Variants in ZC3H12B observed in about 807,000 individuals in gnomAD.
The protein encoded by ZC3H12B is zinc finger CCCH-type containing 12B, also known as probable ribonuclease ZC3H12B.
Under a neutral mutation model 43.9 loss-of-function variants are expected in ZC3H12B, and 7 were observed. The ratio of observed to expected loss-of-function variants is 0.16; its 90% CI spans 0.09 to 0.30. The LOEUF is 0.30. ZC3H12B is among the 10% of genes least tolerant of loss of function. The pLI, the probability that ZC3H12B is intolerant of heterozygous loss-of-function variation, is 1.00. For synonymous variants in ZC3H12B, 222 were observed against 241.7 expected, an observed-to-expected ratio of 0.92 and a Z score of 0.76; for missense variants, 475 against 670.2, an observed-to-expected ratio of 0.71 and a Z score of 3.22.
the ZC3H12B span, among the ~76,000 whole-genome samples, chrX:65,199,278 A>G: frequency 9.3e-6 from 1 of 107,768 alleles, no homozygotes; most frequent in African/African-American, 3.4e-5. Flanking sequence ...AGAGACTATG[A>G]TGCATTCTTC....
chrX:65,379,224 A>G (rs776404963), intron 2 of ZC3H12B, among the ~76,000 whole-genome samples: 126 of 111,934 alleles, frequency 1.1e-3, no homozygotes, highest in African/African-American at 3.8e-3. Context: ...AGCTTTGAAG[A>G]GAGCAGTGGT....
the ZC3H12B span, among the ~76,000 whole-genome samples, chrX:65,324,085 T>A: frequency 8.9e-6 from 1 of 112,447 alleles, no homozygotes; most frequent in African/African-American, 3.2e-5. Flanking sequence ...CTGTAGATTC[T>A]GGATATTAGA....
the ZC3H12B span, among the ~76,000 whole-genome samples, chrX:65,115,344 G>A: frequency 1.0e-4 from 11 of 110,258 alleles, no homozygotes; most frequent in Non-Finnish European, 1.9e-4. Flanking sequence ...TAAAATAATA[G>A]TCTGCACTTC....
chrX:65,335,803 C>T, the ZC3H12B span, among the ~76,000 whole-genome samples: 17 of 111,742 alleles, frequency 1.5e-4, no homozygotes, highest in Admixed American at 2.8e-4. Context: ...GGGCTAATTA[C>T]GACATGAACC....
At chrX:65,270,990 A>G in the ZC3H12B span, 1 of 112,571 alleles carries the variant, frequency 8.9e-6, no homozygotes, top group Non-Finnish European at 1.9e-5. Flanking sequence ...TCTACATGGC[A>G]AAAGAGGTTG....
the ZC3H12B span, among the ~76,000 whole-genome samples, chrX:65,127,463 G>T: frequency 2.7e-5 from 3 of 111,319 alleles, no homozygotes; most frequent in African/African-American, 3.3e-5. Flanking sequence ...TAGTGCATTG[G>T]TTTTGTGTTG....
At chrX:65,035,922 G>T in the ZC3H12B span, among the ~76,000 whole-genome samples, 1 of 112,136 alleles carries the variant, frequency 8.9e-6, no homozygotes, top group Non-Finnish European at 1.9e-5. Flanking sequence ...ATTCATAATA[G>T]GGGAAACTGG....
chrX:65,454,383 T>C (rs1370925541), intron 3 of ZC3H12B, among the ~76,000 whole-genome samples: 1 of 112,175 alleles, frequency 8.9e-6, no homozygotes, highest in Admixed American at 9.4e-5. Context: ...CGCTCATTGC[T>C]AGCACAGCAG....
the ZC3H12B span, among the ~76,000 whole-genome samples, chrX:65,113,590 G>A: frequency 2.7e-5 from 3 of 109,407 alleles, no homozygotes; most frequent in Admixed American, 9.8e-5. Context: ...CTATCTAAAA[G>A]CATTGCATGC....
intron 3 of ZC3H12B, among the ~76,000 whole-genome samples, chrX:65,458,777 C>A (rs1488738078): frequency 1.8e-5 from 2 of 111,424 alleles, no homozygotes; most frequent in African/African-American, 3.3e-5. Flanking sequence ...AAAATTGACA[C>A]CCTAACATCA....
the ZC3H12B span, among the ~76,000 whole-genome samples, chrX:65,307,914 A>G: frequency 3.6e-5 from 4 of 112,195 alleles, no homozygotes; most frequent in South Asian, 7.3e-4. Flanking sequence ...AAGCCAAAAG[A>G]CAATAGAATG....
rs2066713131 is a variant in ZC3H12B, at chrX:65,397,410, G to A, written n.296-1183G>A. 2.7e-5 allele frequency among the ~76,000 whole-genome samples: 3 copies of A among 111,307 alleles called. No homozygotes were observed. In the South Asian group the frequency reaches 1.1e-3, roughly 42 times the overall value. ...AGGCCTGGTGGTACAGAATCCCTCA[G>A]CATTTGCTTGTCTGTAAACAATTTT... On this transcript the variant is annotated intron_variant and non_coding_transcript_variant, in intron 2 of 5. Coordinates refer to the ZC3H12B transcript ENST00000617377.
chrX:65,219,252 GAC>G, the ZC3H12B span, among the ~76,000 whole-genome samples: 1 of 111,601 alleles, frequency 9.0e-6, no homozygotes, highest in Non-Finnish European at 1.9e-5. Flanking sequence ...CTGGTAATAT[GAC>G]AAAACAAGGT....
At chrX:65,478,397 T>A (rs963051175) in intron 3 of ZC3H12B, among the ~76,000 whole-genome samples, 1 of 111,961 alleles carries the variant, frequency 8.9e-6, no homozygotes, top group African/African-American at 3.2e-5. Flanking sequence ...TACTTTTTTG[T>A]TTCTTTGCAT....
the ZC3H12B span, among the ~76,000 whole-genome samples, chrX:65,223,606 T>A: frequency 8.9e-6 from 1 of 112,309 alleles, no homozygotes; most frequent in Non-Finnish European, 1.9e-5. Flanking sequence ...TACAAAGAAC[T>A]CAAACAAATT....
At chrX:65,335,327 C>G in the ZC3H12B span, among the ~76,000 whole-genome samples, 1 of 111,259 alleles carries the variant, frequency 9.0e-6, no homozygotes, top group Non-Finnish European at 1.9e-5. Flanking sequence ...GACTTTTAAC[C>G]ATAGTGCTTA....
chrX:65,193,478 G>T, the ZC3H12B span, among the ~76,000 whole-genome samples: 3 of 111,496 alleles, frequency 2.7e-5, no homozygotes, highest in Non-Finnish European at 3.8e-5. Context: ...AGTATTGGTT[G>T]TAATGTTTCC....
At chrX:65,151,559 G>C in the ZC3H12B span, among the ~76,000 whole-genome samples, 65 of 111,882 alleles carry the variant, frequency 5.8e-4, 2 homozygotes, top group Non-Finnish European at 1.1e-3. Context: ...AAGGAATCTA[G>C]CAATTCCCCT....
At chrX:65,080,817 A>G in the ZC3H12B span, among the ~76,000 whole-genome samples, 1 of 111,925 alleles carries the variant, frequency 8.9e-6, no homozygotes, top group Non-Finnish European at 1.9e-5. Flanking sequence ...AAGTACACAG[A>G]AAAACACAGA....
Sources: gnomAD v4.1 joint callset for allele counts (sites outside exome capture counted in the v4.1 genomes callset) on GRCh38, gnomAD v4.1.1 for gene constraint, MANE v1.5 for transcripts, NCBI Gene and HGNC (gene_info 2026-07-23, HGNC 2026-07-21) for gene names.